The following PCDH7 variants were observed in gnomAD, a reference collection of about 807,000 sequenced individuals.
The protein encoded by PCDH7 is protocadherin-7.
PCDH7 carries 17 observed loss-of-function variants against 58.9 expected under a neutral mutation model. The observed-to-expected ratio is 0.29, with a 90% CI of 0.20 to 0.43. The LOEUF (loss-of-function observed/expected upper bound fraction) is 0.43, where lower values mean the gene tolerates loss of function less well. PCDH7 is among the 20% of genes least tolerant of loss of function. PCDH7 has a pLI of 1.00. For missense variants in PCDH7, 1,274 were observed against 1,441.0 expected (o/e 0.88, Z 1.88); for synonymous variants, 664 against 616.4 (o/e 1.08, Z -1.14).
intron 1 of PCDH7, among the ~76,000 whole-genome samples, chr4:30,756,799 A>T (rs1201285868): frequency 6.6e-6 from 1 of 152,172 alleles, no homozygotes; most frequent in East Asian, 1.9e-4. Context: ...CTCCCACCAT[A>T]AAATGGAGTC....
At chr4:30,883,426 G>A (rs1301887606) in intron 1 of PCDH7, among the ~76,000 whole-genome samples, 1 of 151,740 alleles carries the variant, frequency 6.6e-6, no homozygotes, top group Non-Finnish European at 1.5e-5. Context: ...CATGACCTCA[G>A]TGGTTCAGTG....
At chr4:30,944,798 G>A (rs1293907751) in intron 2 of PCDH7, among the ~76,000 whole-genome samples, 7 of 152,002 alleles carry the variant, frequency 4.6e-5, no homozygotes, top group Non-Finnish European at 7.4e-5. Flanking sequence ...TAAATTGTAA[G>A]CAAATATTAC....
chr4:30,922,922 T>C (rs1197735207), intron 2 of PCDH7, among the ~76,000 whole-genome samples: 4 of 152,174 alleles, frequency 2.6e-5, no homozygotes, highest in African/African-American at 9.6e-5. Flanking sequence ...AAAGTGCAAT[T>C]GTGTTGCTTA....
intron 3 of PCDH7, among the ~76,000 whole-genome samples, chr4:31,038,053 G>A (rs1415661462): frequency 2.6e-5 from 4 of 152,246 alleles, no homozygotes; most frequent in Non-Finnish European, 1.5e-5. Flanking sequence ...CCAAGACTCT[G>A]GAGAGCAATC....
In PCDH7 at chr4:30,723,597, A is replaced by G. The variant is rs145997987; in HGVS notation, c.2175A>G (p.Thr725=). 3 of 1,614,102 alleles carry G rather than the reference A, an allele frequency of 1.9e-6. No homozygotes were observed. Among genetic ancestry groups the G allele is most frequent in the Non-Finnish European group, 2.5e-6 (3 of 1,180,056 alleles). ...GGGGAGATCCTCCCAGATCTGCCACAGCTACAGTCTCGCTTTTTGTGATGG... is the reference window on the plus strand; with the variant it reads ...GGGGAGATCCTCCCAGATCTGCCACGGCTACAGTCTCGCTTTTTGTGATGG... Residue 725 remains threonine (T), a synonymous_variant, in exon 1 of 2, where the codon ACA becomes ACG. Transcript: ENST00000361762. This position sits in a 1 kb window ranked among gnomAD's most constrained non-coding sequence, Gnocchi z 4.6.
At chr4:30,790,956 CAATA>C (rs925468587) in intron 1 of PCDH7, among the ~76,000 whole-genome samples, 7 of 151,840 alleles carry the variant, frequency 4.6e-5, no homozygotes, top group African/African-American at 7.2e-5. Flanking sequence ...AAACAAAAAA[CAATA>C]AATAAATAAA....
intron 3 of PCDH7, among the ~76,000 whole-genome samples, chr4:31,022,453 T>C (rs955504253): frequency 6.6e-6 from 1 of 152,174 alleles, no homozygotes; most frequent in Non-Finnish European, 1.5e-5. Context: ...GGCAAAACAT[T>C]TTCTGAAGCT....
At chr4:30,739,145 T>C (rs1365090459) in intron 1 of PCDH7, among the ~76,000 whole-genome samples, 2 of 146,684 alleles carry the variant, frequency 1.4e-5, no homozygotes, top group Non-Finnish European at 3.0e-5. Context: ...AAAATATATA[T>C]ATTTTATATA....
At chr4:30,842,185 T>C (rs1731301538) in intron 1 of PCDH7, among the ~76,000 whole-genome samples, 1 of 152,118 alleles carries the variant, frequency 6.6e-6, no homozygotes, top group Non-Finnish European at 1.5e-5. Flanking sequence ...TATAAATTTA[T>C]TGGAAATAAT....
chr4:31,051,832 G>GTT (rs1756757427), intron 3 of PCDH7, among the ~76,000 whole-genome samples: 2 of 139,530 alleles, frequency 1.4e-5, no homozygotes, highest in African/African-American at 6.1e-5. Context: ...TTGGGTGTGT[G>GTT]TGGGGGGCGG....
intron 3 of PCDH7, among the ~76,000 whole-genome samples, chr4:30,980,676 C>T (rs1054650986): frequency 3.9e-5 from 6 of 152,106 alleles, no homozygotes; most frequent in Admixed American, 2.0e-4. Context: ...AATCAAAGGC[C>T]TCTAATATCT....
At chr4:30,854,692 C>A (rs181374584) in intron 1 of PCDH7, among the ~76,000 whole-genome samples, 4 of 151,838 alleles carry the variant, frequency 2.6e-5, no homozygotes, top group African/African-American at 9.7e-5. Flanking sequence ...AGCAAAACTA[C>A]CAGAGCCATG....
At chr4:31,074,499 A>G (rs1758807905) in intron 3 of PCDH7, among the ~76,000 whole-genome samples, 1 of 151,966 alleles carries the variant, frequency 6.6e-6, no homozygotes, top group Non-Finnish European at 1.5e-5. Context: ...TAAAAGTTTC[A>G]TTTATTGGCC....
At chr4:30,856,613 G>T (rs1220130437) in intron 1 of PCDH7, among the ~76,000 whole-genome samples, 2 of 151,084 alleles carry the variant, frequency 1.3e-5, no homozygotes, top group Non-Finnish European at 2.9e-5. Flanking sequence ...ACGTGTATAG[G>T]CACTCTATTC....
chr4:30,783,852 G>C (rs567245489), intron 1 of PCDH7, among the ~76,000 whole-genome samples: 14 of 152,030 alleles, frequency 9.2e-5, no homozygotes, highest in Non-Finnish European at 1.9e-4. Context: ...TTAGCCTCTG[G>C]GGTATGAAAT....
intron 3 of PCDH7, among the ~76,000 whole-genome samples, chr4:31,118,386 C>T (rs1717249200): frequency 6.6e-6 from 1 of 152,050 alleles, no homozygotes. Context: ...TTAAACAATT[C>T]CCAACTAACA....
At chr4:30,771,637 G>A (rs1008954741) in intron 1 of PCDH7, among the ~76,000 whole-genome samples, 1 of 152,102 alleles carries the variant, frequency 6.6e-6, no homozygotes, top group African/African-American at 2.4e-5. Flanking sequence ...AAGACTCTCA[G>A]ATTAATCATT....
chr4:31,056,334 C>A (rs113384565), intron 3 of PCDH7, among the ~76,000 whole-genome samples: 5,631 of 148,124 alleles, frequency 0.038, 384 homozygotes, highest in African/African-American at 0.13. Flanking sequence ...TGTCACTGCA[C>A]TCCAGCATAC....
intron 1 of PCDH7, among the ~76,000 whole-genome samples, chr4:30,872,625 A>G (rs1735768549): frequency 1.3e-5 from 2 of 151,996 alleles, no homozygotes. Flanking sequence ...TAACCTCTGT[A>G]AGTTTCAATC....
Sources: gnomAD v4.1 joint callset for allele counts (sites outside exome capture counted in the v4.1 genomes callset) on GRCh38, gnomAD v4.1.1 for gene constraint, Gnocchi (gnomAD v3.1) non-coding constraint, MANE v1.5 for transcripts, NCBI Gene and HGNC (gene_info 2026-07-23, HGNC 2026-07-21) for gene names.